Variants in ASPRV1 observed in about 807,000 individuals in gnomAD.
ASPRV1 encodes the protein aspartic peptidase retroviral like 1.
A neutral mutation model predicts 11.0 loss-of-function variants in ASPRV1; 7 were observed. That is an observed-to-expected ratio of 0.64 (90% CI 0.36 to 1.20). ASPRV1 has a LOEUF of 1.20. Among genes scored for constraint, ASPRV1 ranks in the 50% most tolerant of loss-of-function variants. The probability of loss-of-function intolerance (pLI) is 0.02; values close to 1 mark genes in which losing one functional copy is unlikely to be tolerated. For synonymous variants in ASPRV1, 136 were observed against 138.4 expected, an observed-to-expected ratio of 0.98 and a Z score of 0.12; for missense variants, 299 against 320.0, an observed-to-expected ratio of 0.93 and a Z score of 0.50.
the ASPRV1 span, among the ~76,000 whole-genome samples, chr2:70,053,503 T>C: frequency 1.8e-4 from 27 of 152,176 alleles, no homozygotes; most frequent in Non-Finnish European, 3.5e-4. Context: ...TCATACACTA[T>C]TGACAAAAAA....
chr2:70,065,616 G>A, the ASPRV1 span, among the ~76,000 whole-genome samples: 10 of 151,414 alleles, frequency 6.6e-5, no homozygotes, highest in African/African-American at 1.7e-4. Context: ...GCAGGGGCAG[G>A]GTGCAGTGGC....
the ASPRV1 span, among the ~76,000 whole-genome samples, chr2:70,073,720 G>C: frequency 6.6e-6 from 1 of 152,032 alleles, no homozygotes; most frequent in Non-Finnish European, 1.5e-5. Context: ...GCTGTTGCTG[G>C]CCAGAGGCTG....
the ASPRV1 span, chr2:70,075,418 A>C: frequency 6.6e-6 from 1 of 151,522 alleles, no homozygotes; most frequent in Non-Finnish European, 1.5e-5. Flanking sequence ...CTGCTCTACT[A>C]CTTATTAACT....
the ASPRV1 span, chr2:69,942,995 C>T: frequency 6.6e-6 from 1 of 152,114 alleles, no homozygotes; most frequent in African/African-American, 2.4e-5. Context: ...TCGTGGTTGT[C>T]CTTGCAGAAC....
the ASPRV1 span, chr2:69,942,986 C>T: frequency 2.0e-5 from 3 of 152,266 alleles, no homozygotes; most frequent in Middle Eastern, 6.8e-3. Context: ...TTTACCCTTT[C>T]GTGGTTGTCC....
chr2:70,021,945 C>T, the ASPRV1 span, among the ~76,000 whole-genome samples: 1 of 151,722 alleles, frequency 6.6e-6, no homozygotes, highest in Admixed American at 6.6e-5. Context: ...ACCTCGTGAT[C>T]CGCCCACCTC....
the ASPRV1 span, chr2:69,993,258 C>T: frequency 1.3e-5 from 2 of 152,448 alleles, no homozygotes; most frequent in Admixed American, 6.5e-5. Context: ...CACCCCTAGC[C>T]CACATCTGAG....
chr2:70,011,799 G>T, the ASPRV1 span: 2 of 152,498 alleles, frequency 1.3e-5, no homozygotes, highest in African/African-American at 4.8e-5. Context: ...ATCATCCAGG[G>T]AAAGGAGGAG....
the ASPRV1 span, among the ~76,000 whole-genome samples, chr2:70,035,348 G>C: frequency 6.6e-6 from 1 of 152,082 alleles, no homozygotes; most frequent in African/African-American, 2.4e-5. Flanking sequence ...GAGCAGAAAA[G>C]TCCTATGGTG....
the ASPRV1 span, among the ~76,000 whole-genome samples, chr2:70,080,766 G>A: frequency 1.3e-5 from 2 of 152,118 alleles, no homozygotes; most frequent in East Asian, 1.9e-4. Context: ...CCAAAAACTG[G>A]ATAATGTAAA....
downstream of ASPRV1, among the ~76,000 whole-genome samples, chr2:69,959,830 G>C (rs948389813): frequency 6.6e-5 from 10 of 152,218 alleles, no homozygotes; most frequent in African/African-American, 2.4e-4. Context: ...TTTGGGTATA[G>C]AGGCAATTTG....
chr2:69,963,321 T>C (rs1177310269), upstream of ASPRV1: 1 of 456,456 alleles, frequency 2.2e-6, no homozygotes, highest in Admixed American at 2.4e-5. Flanking sequence ...GACTGTATAA[T>C]GAAAAACCTG....
chr2:70,004,753 C>A, the ASPRV1 span, among the ~76,000 whole-genome samples: 1 of 152,254 alleles, frequency 6.6e-6, no homozygotes, highest in Non-Finnish European at 1.5e-5. Flanking sequence ...TATCTCCTCA[C>A]CTAAGCCTCA....
At chr2:70,013,782 G>A in the ASPRV1 span, among the ~76,000 whole-genome samples, 1 of 152,318 alleles carries the variant, frequency 6.6e-6, no homozygotes, top group South Asian at 2.1e-4. Flanking sequence ...TCAGGAGGCT[G>A]AGGCATGAGA....
the ASPRV1 span, among the ~76,000 whole-genome samples, chr2:69,945,198 C>G: frequency 1.2e-4 from 18 of 152,040 alleles, no homozygotes; most frequent in Admixed American, 3.9e-4. Context: ...ATGATTGTAC[C>G]ACTACACTCC....
the ASPRV1 span, among the ~76,000 whole-genome samples, chr2:70,038,871 G>C: frequency 6.6e-6 from 1 of 152,118 alleles, no homozygotes; most frequent in Non-Finnish European, 1.5e-5. Context: ...CTGAGGTTGG[G>C]AGTTCGAGAC....
chr2:69,940,799 T>TTC, the ASPRV1 span: 1 of 152,638 alleles, frequency 6.6e-6, no homozygotes, highest in Non-Finnish European at 1.5e-5. Context: ...CTAGACAGGC[T>TTC]TCTCTCTCTA....
At chr2:70,078,345 A>G in the ASPRV1 span, among the ~76,000 whole-genome samples, 1 of 152,202 alleles carries the variant, frequency 6.6e-6, no homozygotes, top group Non-Finnish European at 1.5e-5. Flanking sequence ...ACAAGCAGAC[A>G]GCACTCAATA....
At chr2:69,977,381 G>C in the ASPRV1 span, among the ~76,000 whole-genome samples, 1 of 152,218 alleles carries the variant, frequency 6.6e-6, no homozygotes, top group African/African-American at 2.4e-5. Context: ...GCCCCCTCAG[G>C]GTTCCGTCAT....
Sources: gnomAD v4.1 joint callset for allele counts (sites outside exome capture counted in the v4.1 genomes callset) on GRCh38, gnomAD v4.1.1 for gene constraint, MANE v1.5 for transcripts, NCBI Gene and HGNC (gene_info 2026-07-23, HGNC 2026-07-21) for gene names.